The following TRIM29 variants were observed in gnomAD, a reference collection of about 807,000 sequenced individuals.
The protein encoded by TRIM29 is tripartite motif-containing protein 29.
In TRIM29, 52 loss-of-function variants were observed where a neutral mutation model predicts 57.3. The ratio of observed to expected loss-of-function variants is 0.91; its 90% CI spans 0.73 to 1.14. The LOEUF (loss-of-function observed/expected upper bound fraction) is 1.14. Ranked by LOEUF, TRIM29 falls within the 50% of genes most tolerant of loss-of-function variation. The pLI is 0.00. For missense variants in TRIM29, 753 were observed against 774.6 expected (o/e 0.97, Z 0.33); for synonymous variants, 319 against 316.9 (o/e 1.01, Z -0.07).
chr11:120,131,792 A>C (rs571195345), intron 1 of TRIM29, among the ~76,000 whole-genome samples: 1 of 151,124 alleles, frequency 6.6e-6, no homozygotes, highest in East Asian at 1.9e-4. Flanking sequence ...ATAGGAAGTA[A>C]TATAACATGG....
At chr11:120,123,558 G>A (rs1030711004) in intron 4 of TRIM29, 1 of 420,208 alleles carries the variant, frequency 2.4e-6, no homozygotes, top group African/African-American at 2.0e-5. Flanking sequence ...TGAGGTCCCA[G>A]TGTTGGCCTC....
intron 6 of TRIM29, among the ~76,000 whole-genome samples, chr11:120,119,876 AATGC>A (rs1863390163): frequency 6.6e-6 from 1 of 152,066 alleles, no homozygotes; most frequent in Non-Finnish European, 1.5e-5. Context: ...GGTCTCATTG[AATGC>A]ATGGCCCTGC....
chr11:120,134,796 C>G (rs1383358921), intron 1 of TRIM29, among the ~76,000 whole-genome samples: 1 of 152,226 alleles, frequency 6.6e-6, no homozygotes, highest in African/African-American at 2.4e-5. Context: ...TAGGGGGCTT[C>G]CTCCTCAAAC....
At position 120,127,386 on chromosome 11, in the gene TRIM29, G is replaced by T. The variant is rs1265734512; in HGVS notation, c.1084C>A (p.Gln362Lys). The T allele has an allele frequency of 1.1e-5, 18 of 1,614,052 alleles. No individual in the cohort carries two copies. The highest frequency in any genetic ancestry group is 6.7e-5 in the East Asian group (3 of 44,898). The change falls in exon 3 of 9, where the codon CAG becomes AAG. Residue 362 changes from glutamine (Q) to lysine (K), a missense_variant. By Grantham distance (53) the Gln-to-Lys change is moderately conservative. Transcript: ENST00000341846. The stretch of plus-strand genomic sequence containing the variant: ...ATGCTATGCAGCTGCTCCCGGGTCT[G>T]CTTGTCCTCATGCAGCACCTTGGCT... ...ERAKVLHEDK[Q>K]TREQLHSISD... is the part of the protein sequence containing the mutation.
chr11:120,119,667 T>A (rs987583894), intron 6 of TRIM29, among the ~76,000 whole-genome samples: 1 of 152,184 alleles, frequency 6.6e-6, no homozygotes, highest in African/African-American at 2.4e-5. Flanking sequence ...TGATCACGGC[T>A]GTGAATCCAA....
chr11:120,135,276 T>C (rs917963328), intron 1 of TRIM29, among the ~76,000 whole-genome samples: 4 of 152,130 alleles, frequency 2.6e-5, no homozygotes, highest in African/African-American at 9.7e-5. Flanking sequence ...TGCTCCGCCT[T>C]CTTGACACTT....
Position 120,137,554 on chromosome 11 carries a change from G to T in TRIM29, c.478C>A (p.Leu160Ile). Residue 160 changes from leucine (L) to isoleucine (I), a missense_variant, in exon 1 of 9, where the codon CTT becomes ATT. Physicochemically the swap from Leu to Ile is conservative, Grantham distance 5 (BLOSUM62 2). Coordinates refer to ENST00000341846, the MANE Select transcript of TRIM29 (RefSeq NM_012101.4). This position sits in a 1 kb window ranked among gnomAD's most constrained non-coding sequence, Gnocchi z 6.2. ...GAGCCGGACTTGGACCGTGAAAAAA[G>T]GCCCGTGTCGGCCCGGGGGTAGCTG... ...RNSYPRADTG[L>I]FSRSKSGSEE... The T allele has an allele frequency of 6.2e-7, 1 of 1,610,392 alleles. No individual in the cohort carries two copies. Among genetic ancestry groups the T allele is most frequent in the Non-Finnish European group, 8.5e-7 (1 of 1,179,964 alleles).
intron 7 of TRIM29, 153 bp from the exon 8 acceptor site, chr11:120,115,567 A>T (rs542145547): frequency 1.5e-6 from 1 of 664,356 alleles, no homozygotes; most frequent in East Asian, 2.9e-5. Flanking sequence ...TGCAGCAGCC[A>T]GGGTGCCGCA....
At chr11:120,128,881 C>T (rs1229019785) in intron 1 of TRIM29, 8 of 1,460,846 alleles carry the variant, frequency 5.5e-6, no homozygotes, top group Non-Finnish European at 5.4e-6. Context: ...GGATCCAGCC[C>T]AGCTCAGCCC....
intron 7 of TRIM29, chr11:120,115,698 G>A: frequency 2.2e-6 from 1 of 445,398 alleles, no homozygotes; most frequent in Non-Finnish European, 4.1e-6. Flanking sequence ...ATCCAGCGCA[G>A]CATCACACTG....
Position 120,115,373 on chromosome 11 carries a change from GC to G in TRIM29, c.1668del (p.Gln556HisfsTer57). On this transcript the variant is annotated frameshift_variant, in exon 8 of 9. Transcript: ENST00000341846. LOFTEE classifies it high-confidence loss of function. ...SLMRSQSPKA[Q>X]PQTWKSGKQT... ...TGCTTGCCAGATTTCCAAGTCTGGG[GC>G]TGGGCCTTGGGGCTTTGGCTCCGCA... The G allele has an allele frequency of 6.2e-7, 1 of 1,613,946 alleles. No homozygotes were observed. Among genetic ancestry groups the G allele is most frequent in the Non-Finnish European group, 8.5e-7 (1 of 1,179,976 alleles).
chr11:120,127,196 G>A, intron 3 of TRIM29, 140 bp downstream of exon 3: 1 of 700,506 alleles, frequency 1.4e-6, no homozygotes, highest in South Asian at 1.9e-5. Context: ...ATGGATGGAT[G>A]GTTGGATGGC....
chr11:120,127,549 C>A lies in TRIM29; in HGVS notation c.921G>T (p.Lys307Asn). The change falls in exon 3 of 9, where the codon AAG (lysine) becomes AAT (asparagine). Residue 307 changes from lysine (K) to asparagine (N), a missense_variant. By Grantham distance (94) the Lys-to-Asn change is moderately conservative (BLOSUM62 0). Coordinates refer to ENST00000341846, the MANE Select transcript of TRIM29 (RefSeq NM_012101.4). ...DRIKSFTTNE[K>N]AILEQNFRDL... ...CCCGGAAGTTCTGCTCCAGGATGGC[C>A]TTCTCATTGGTGGTGAAGCTCTGGA... The A allele has an allele frequency of 6.2e-7, 1 of 1,614,002 alleles. No individual in the cohort carries two copies. The highest frequency in any genetic ancestry group is 1.6e-4 in the Middle Eastern group (1 of 6,062).
At chr11:120,122,131 AGTGTGTGTGTGT>A (rs72245071) in intron 5 of TRIM29, 13 of 203,932 alleles carry the variant, frequency 6.4e-5, no homozygotes, top group African/African-American at 2.5e-4. Flanking sequence ...TGTGTGTGTG[AGTGTGTGTGTGT>A]GTGTGTGTGT....
Position 120,137,897 on chromosome 11 carries a change from C to G in TRIM29, c.135G>C (p.Gly45=). 6.2e-7 allele frequency: 1 copy of G among 1,611,022 alleles called. No individual in the cohort carries two copies. Among genetic ancestry groups the G allele is most frequent in the Non-Finnish European group, 8.5e-7 (1 of 1,180,016 alleles). ...TGCCCTCAGCTGCCTCCCCGCCGTG[C>G]CCGTTGGTGGTCTTGGCATCCTTGC... The part of the protein sequence containing the change: ...ADGKDAKTTN[G]HGGEAAEGKS... Residue 45 remains glycine, a synonymous_variant, in exon 1 of 9, where the codon GGG becomes GGC. Coordinates refer to ENST00000341846, the MANE Select transcript of TRIM29 (RefSeq NM_012101.4). This position sits in a 1 kb window ranked among gnomAD's most constrained non-coding sequence, Gnocchi z 6.2.
In TRIM29 at chr11:120,137,983, T is replaced by G. The variant is rs1387378378; in HGVS notation, c.49A>C (p.Arg17=). The G allele has an allele frequency of 6.2e-7, 1 of 1,604,422 alleles. No homozygotes were observed. The highest frequency in any genetic ancestry group is 8.5e-7 in the Non-Finnish European group (1 of 1,179,892). ...SRSNGSSPEA[R]DARSPSGPSG... The stretch of plus-strand genomic sequence containing the variant: ...GGGCCCGACGGGCTCCGGGCATCCC[T>G]GGCTTCTGGGCTCGACCCGTTGCTC... The change falls in exon 1 of 9, where the codon AGG becomes CGG. Residue 17 remains arginine (R), a synonymous_variant. Coordinates refer to ENST00000341846, the MANE Select transcript of TRIM29 (RefSeq NM_012101.4). The surrounding 1 kb of genome is among the most constrained non-coding windows in gnomAD (Gnocchi z 6.2).
intron 1 of TRIM29, among the ~76,000 whole-genome samples, chr11:120,132,703 G>T (rs559143536): frequency 2.6e-5 from 4 of 152,228 alleles, no homozygotes; most frequent in African/African-American, 9.6e-5. Flanking sequence ...CACTACATGG[G>T]CCATCGGCTG....
chr11:120,112,556 C>G (rs968224812), intron 8 of TRIM29, 80 bp from the exon 9 acceptor site: 8 of 1,493,644 alleles, frequency 5.4e-6, no homozygotes, highest in African/African-American at 1.4e-5. Context: ...CCTAACCTGC[C>G]TCAGGAGGCA....
At chr11:120,131,103 C>A (rs567211833) in intron 1 of TRIM29, among the ~76,000 whole-genome samples, 1 of 152,214 alleles carries the variant, frequency 6.6e-6, no homozygotes, top group South Asian at 2.1e-4. Flanking sequence ...CTGCAAGTGG[C>A]AGAAGGTCTG....
Sources: gnomAD v4.1 joint callset for allele counts (sites outside exome capture counted in the v4.1 genomes callset) on GRCh38, gnomAD v4.1.1 for gene constraint, Gnocchi (gnomAD v3.1) non-coding constraint, MANE v1.5 for transcripts, NCBI Gene and HGNC (gene_info 2026-07-23, HGNC 2026-07-21) for gene names.